The following PCDH11X variants were observed in gnomAD, a reference collection of about 807,000 sequenced individuals.
The protein encoded by PCDH11X is protocadherin-11 X-linked.
In PCDH11X, 18 loss-of-function variants were observed where a neutral mutation model predicts 53.3. That is an observed-to-expected ratio of 0.34 (90% confidence interval 0.23 to 0.50). The LOEUF (loss-of-function observed/expected upper bound fraction) is 0.50. PCDH11X is among the 20% of genes least tolerant of loss of function. PCDH11X has a pLI of 0.98. For synonymous variants in PCDH11X, 279 were observed against 393.3 expected, an observed-to-expected ratio of 0.71 and a Z score of 3.44; for missense variants, 570 against 1,032.4, an observed-to-expected ratio of 0.55 and a Z score of 6.14.
intron 7 of PCDH11X, among the ~76,000 whole-genome samples, chrX:92,235,171 AT>A (rs5902998): frequency 9.1e-6 from 1 of 110,326 alleles, no homozygotes; most frequent in East Asian, 2.9e-4. Context: ...AAAGCACAAA[AT>A]TTTTTTAAAT....
chrX:91,832,482 G>A (rs1416535272), intron 4 of PCDH11X, among the ~76,000 whole-genome samples: 1 of 88,269 alleles, frequency 1.1e-5, no homozygotes, highest in Non-Finnish European at 2.2e-5. Context: ...ATCACACATC[G>A]GGGCCTGTTG....
chrX:92,309,627 C>G (rs1004474360), intron 8 of PCDH11X, among the ~76,000 whole-genome samples: 7 of 111,873 alleles, frequency 6.3e-5, no homozygotes, highest in African/African-American at 2.3e-4. Flanking sequence ...CTGAAGTGTA[C>G]ACTTAAAATG....
intron 10 of PCDH11X, among the ~76,000 whole-genome samples, chrX:92,612,016 G>A (rs752743685): frequency 1.9e-5 from 2 of 106,517 alleles, no homozygotes; most frequent in African/African-American, 6.9e-5. Flanking sequence ...CAATTTTTGT[G>A]TCTTTGTTAA....
intron 6 of PCDH11X, chrX:91,982,845 T>G: frequency 1.1e-6 from 1 of 896,545 alleles, no homozygotes; most frequent in South Asian, 2.0e-5. Flanking sequence ...GGCTGCTATT[T>G]CGAAACGCGT....
At chrX:91,853,306 T>G (rs186276887) in intron 5 of PCDH11X, among the ~76,000 whole-genome samples, 2 of 110,940 alleles carry the variant, frequency 1.8e-5, no homozygotes, top group African/African-American at 6.6e-5. Context: ...TTGTTTTATA[T>G]ATACAGAAAA....
At chrX:92,505,239 A>G (rs6619055) in intron 10 of PCDH11X, among the ~76,000 whole-genome samples, 9,550 of 40,039 alleles carry the variant, frequency 0.24, 781 homozygotes, top group East Asian at 0.48. Flanking sequence ...TTTTTTGGCA[A>G]TTTCTTTCGG....
chrX:92,334,751 G>A (rs141121619), intron 8 of PCDH11X, among the ~76,000 whole-genome samples: 165 of 111,573 alleles, frequency 1.5e-3, no homozygotes, highest in African/African-American at 5.1e-3. Flanking sequence ...TTATAGTATC[G>A]AGAAACACAA....
chrX:92,436,920 C>T (rs776860953), intron 9 of PCDH11X, among the ~76,000 whole-genome samples: 6 of 103,043 alleles, frequency 5.8e-5, no homozygotes, highest in South Asian at 8.8e-4. Flanking sequence ...TTCCATGACA[C>T]GAGTTTACCT....
At chrX:91,808,267 C>T (rs1447133108) in intron 1 of PCDH11X, among the ~76,000 whole-genome samples, 19 of 106,131 alleles carry the variant, frequency 1.8e-4, no homozygotes, top group African/African-American at 6.2e-4. Flanking sequence ...GAGGCCAAGG[C>T]GGGCAAATCA....
intron 7 of PCDH11X, among the ~76,000 whole-genome samples, chrX:92,258,436 C>T (rs1420609314): frequency 3.8e-5 from 4 of 105,428 alleles, no homozygotes; most frequent in Non-Finnish European, 5.8e-5. Context: ...GGCTCGATCT[C>T]GGCTCGCTGC....
At chrX:91,902,236 T>TA (rs751560387) in intron 6 of PCDH11X, among the ~76,000 whole-genome samples, 22 of 110,471 alleles carry the variant, frequency 2.0e-4, no homozygotes, top group Non-Finnish European at 3.8e-4. Context: ...CCAATTGCTC[T>TA]TCAAAACATC....
Position 92,451,942 on chromosome X carries a change from T to A in PCDH11X, c.3344-16357T>A, listed in dbSNP as rs1162682309. On this transcript the variant is annotated intron_variant, in intron 9 of 10. Coordinates refer to ENST00000682573, the MANE Select transcript of PCDH11X (RefSeq NM_032968.5). ...GTATTAAAGTTTCATCTACTATACATCATCATATATTTATTAATCTGAGGT... is the reference window on the plus strand; with the variant it reads ...GTATTAAAGTTTCATCTACTATACAACATCATATATTTATTAATCTGAGGT... Among the ~76,000 whole-genome samples the A allele has an allele frequency of 7.4e-5, 8 of 108,139 alleles. No individual in the cohort carries two copies. In the East Asian group the frequency reaches 2.4e-3, roughly 32 times the overall value. The allele number at this position is 108,139 out of a possible 115,157, so 93.9% of individuals were successfully genotyped here.
intron 10 of PCDH11X, among the ~76,000 whole-genome samples, chrX:92,564,834 C>A (rs998622279): frequency 1.8e-5 from 2 of 110,749 alleles, no homozygotes; most frequent in African/African-American, 3.3e-5. Context: ...GAAGAGACAA[C>A]CTGCAGAATG....
chrX:92,137,879 T>G (rs1243776001), intron 6 of PCDH11X, among the ~76,000 whole-genome samples: 1 of 110,574 alleles, frequency 9.0e-6, no homozygotes, highest in Non-Finnish European at 1.9e-5. Context: ...CCAGGGCGCA[T>G]GAGCAGAATG....
Position 91,903,660 on chromosome X carries a change from T to C in PCDH11X, c.3033+24387T>C, listed in dbSNP as rs756741509. Among the ~76,000 whole-genome samples, 277 of 106,454 alleles carry C rather than the reference T, an allele frequency of 2.6e-3. 1 individual carries two copies. The highest frequency in any genetic ancestry group is 9.0e-3 in the African/African-American group (262 of 29,202). The allele number at this position is 106,454 out of a possible 115,157, so 92.4% of individuals were successfully genotyped here. A position where few individuals can be genotyped will look rare whatever the true frequency, so the allele number is the denominator to read the frequency against. Reference sequence around the variant, plus strand: ...CAGCTCAGGTTCCTCTATGTGCGTGTGTGTGTGTGTGTGTGTGTGTGTGTG... The same window carrying C: ...CAGCTCAGGTTCCTCTATGTGCGTGCGTGTGTGTGTGTGTGTGTGTGTGTG... On this transcript the variant is annotated intron_variant, in intron 6 of 10. Transcript: ENST00000682573.
At chrX:92,372,804 A>G (rs1193838154) in intron 8 of PCDH11X, among the ~76,000 whole-genome samples, 2 of 108,130 alleles carry the variant, frequency 1.8e-5, no homozygotes, top group African/African-American at 6.7e-5. Context: ...ATCAAAAACT[A>G]TATTATTAAT....
At chrX:92,441,849 A>G (rs2072522553) in intron 9 of PCDH11X, among the ~76,000 whole-genome samples, 1 of 110,391 alleles carries the variant, frequency 9.1e-6, no homozygotes. Context: ...GACAGCTTTC[A>G]CTGTGTGCCT....
intron 8 of PCDH11X, among the ~76,000 whole-genome samples, chrX:92,356,300 T>A (rs2070204406): frequency 1.8e-5 from 2 of 110,180 alleles, no homozygotes; most frequent in Non-Finnish European, 3.8e-5. Context: ...TGTAATTACC[T>A]AAAACTGAGT....
At chrX:92,381,136 C>T (rs2070866968) in intron 8 of PCDH11X, among the ~76,000 whole-genome samples, 1 of 101,450 alleles carries the variant, frequency 9.9e-6, no homozygotes, top group African/African-American at 3.6e-5. Context: ...CACAACGTTG[C>T]TTGCTACTAT....
Sources: allele counts gnomAD v4.1 joint callset (sites outside exome capture counted in the v4.1 genomes callset), GRCh38; gene constraint gnomAD v4.1.1; transcripts MANE v1.5; gene names NCBI Gene and HGNC (gene_info 2026-07-23, HGNC 2026-07-21).